The following MAPK13 variants were observed in gnomAD, a reference collection of about 807,000 sequenced individuals.
MAPK13 encodes the protein mitogen-activated protein kinase 13.
Under a neutral mutation model 53.5 loss-of-function variants are expected in MAPK13, and 39 were observed. The ratio of observed to expected loss-of-function variants is 0.73; its 90% CI spans 0.56 to 0.95. The LOEUF (loss-of-function observed/expected upper bound fraction) is 0.95, where lower values mean the gene tolerates loss of function less well. MAPK13 is among the 40% of genes least tolerant of loss of function. The pLI, the probability that MAPK13 is intolerant of heterozygous loss-of-function variation, is 0.00. For synonymous variants in MAPK13, 179 were observed against 190.9 expected (o/e 0.94, Z 0.51); for missense variants, 460 against 471.8 (o/e 0.98, Z 0.23).
rs925926954 is a variant in MAPK13, at chr6:36,131,337, C to T, written c.186C>T (p.Ser62=). The change falls in exon 2 of 12, where the codon TCC becomes TCT. Residue 62 remains serine (S), a synonymous_variant. Transcript: ENST00000211287. ...AGAAGCTGAGCCGACCCTTTCAGTC[C>T]GAGATCTTCGCCAAGCGCGCCTACC... ...AIKKLSRPFQ[S]EIFAKRAYRE... is the part of the protein sequence containing the mutation. 1 of 1,613,906 alleles carries T rather than the reference C, an allele frequency of 6.2e-7. No homozygotes were observed. The highest frequency in any genetic ancestry group is 1.3e-5 in the African/African-American group (1 of 75,032).
rs199612050 is a variant in MAPK13 at position 36,136,677 on chromosome 6, C to T, written c.517C>T (p.Arg173Ter). The T allele has an allele frequency of 5.0e-5, 81 of 1,613,906 alleles. No homozygotes were observed. In the Admixed American group the frequency reaches 1.0e-3, roughly 20 times the overall value. ...ELKILDFGLARHADAEMTGYV... is the reference protein window; with the variant it reads ...ELKILDFGLA ...ATAGATTCTGGATTTTGGGCTGGCG[C>T]GACATGCAGACGCCGAGATGACTGG... The change falls in exon 7 of 12, where the codon CGA becomes TGA. Residue 173 changes from arginine to a stop codon, truncating the protein, a stop_gained. Transcript: ENST00000211287. LOFTEE classifies it high-confidence loss of function.
At position 36,136,642 on chromosome 6, in the gene MAPK13, C is replaced by A; in HGVS notation, c.496-14C>A. ...CTCAGCAAGTTCCTTTTCTATTTAT[C>A]CCCTGTGCCATAGATTCTGGATTTT... On this transcript the variant is annotated splice_polypyrimidine_tract_variant and intron_variant, in intron 6 of 11. Coordinates refer to ENST00000211287, the MANE Select transcript of MAPK13 (RefSeq NM_002754.5). 1 of 1,612,806 alleles carries A rather than the reference C, an allele frequency of 6.2e-7. No individual in the cohort carries two copies. Among genetic ancestry groups the A allele is most frequent in the Non-Finnish European group, 8.5e-7 (1 of 1,179,268 alleles).
chr6:36,136,341 T>A (rs1484294837), intron 5 of MAPK13, 143 bp from the exon 6 acceptor site: 3 of 726,740 alleles, frequency 4.1e-6, no homozygotes, highest in African/African-American at 3.6e-5. Context: ...GAACACCTAG[T>A]CCAACCCTCA....
chr6:36,133,170 A>G (rs1445142923), intron 3 of MAPK13, among the ~76,000 whole-genome samples: 1 of 152,220 alleles, frequency 6.6e-6, no homozygotes, highest in Non-Finnish European at 1.5e-5. Flanking sequence ...TCTGAATGAG[A>G]CTGGACTATT....
intron 3 of MAPK13, among the ~76,000 whole-genome samples, chr6:36,133,155 C>A (rs2127485951): frequency 6.6e-6 from 1 of 152,346 alleles, no homozygotes; most frequent in South Asian, 2.1e-4. Context: ...TTTGCCTGTG[C>A]AGTGTCTGAA....
At position 36,132,653 on chromosome 6, in the gene MAPK13, C is replaced by T; in HGVS notation, c.282C>T (p.Ala94=). 1.2e-6 allele frequency: 2 copies of T among 1,614,242 alleles called. No homozygotes were observed. The highest frequency in any genetic ancestry group is 1.7e-6 in the Non-Finnish European group (2 of 1,180,034). ...VIGLLDVFTP[A]SSLRNFYDFY... Reference sequence around the variant, plus strand: ...GGCTCCTGGATGTCTTCACCCCAGCCTCCTCCCTGCGCAACTTCTATGACT... The same window carrying T: ...GGCTCCTGGATGTCTTCACCCCAGCTTCCTCCCTGCGCAACTTCTATGACT... The change falls in exon 3 of 12, where the codon GCC becomes GCT. Residue 94 remains alanine (A), a synonymous_variant. Coordinates refer to ENST00000211287, the MANE Select transcript of MAPK13 (RefSeq NM_002754.5).
At chr6:36,131,441 T>A in intron 2 of MAPK13, 41 bp downstream of exon 2, 1 of 1,582,262 alleles carries the variant, frequency 6.3e-7, no homozygotes, top group Non-Finnish European at 8.6e-7. Context: ...GGGGCTGCCC[T>A]GGGGAGTCAG....
intron 8 of MAPK13, among the ~76,000 whole-genome samples, chr6:36,138,038 C>T (rs908188471): frequency 4.0e-5 from 6 of 151,416 alleles, no homozygotes; most frequent in Non-Finnish European, 5.9e-5. Context: ...CATTTTGGCA[C>T]GGCACACATT....
intron 4 of MAPK13, 26 bp downstream of exon 4, chr6:36,135,887 G>C: frequency 5.6e-6 from 9 of 1,600,312 alleles, no homozygotes; most frequent in Non-Finnish European, 6.9e-6. Context: ...GAGGCTGGCA[G>C]AGGGGACGCC....
chr6:36,137,839 A>T (rs896079711), intron 8 of MAPK13, among the ~76,000 whole-genome samples: 1 of 147,026 alleles, frequency 6.8e-6, no homozygotes, highest in African/African-American at 2.5e-5. Context: ...CACGCCTGTA[A>T]TCCCAGCTAC....
chr6:36,130,862 A>G lies in MAPK13; in HGVS notation c.119+161A>G. On this transcript the variant is annotated intron_variant, in intron 1 of 11. Coordinates refer to ENST00000211287, the MANE Select transcript of MAPK13 (RefSeq NM_002754.5). The surrounding 1 kb of genome is among the most constrained non-coding windows in gnomAD (Gnocchi z 4.5). ...ACCCAGCGGCCATCTCCCTTTTCTC[A>G]CCGAGTGGCTGAGTGAGGTCTCTGG... 2.0e-6 allele frequency: 1 copy of G among 511,850 alleles called. No individual in the cohort carries two copies. Among genetic ancestry groups the G allele is most frequent in the Non-Finnish European group, 3.5e-6 (1 of 289,608 alleles). The allele number at this position is 511,850 out of a possible 1,614,324, so 31.7% of individuals were successfully genotyped here. A position where few individuals can be genotyped will look rare whatever the true frequency, so the allele number is the denominator to read the frequency against.
At chr6:36,134,028 G>C (rs1018344340) in intron 3 of MAPK13, among the ~76,000 whole-genome samples, 1 of 152,208 alleles carries the variant, frequency 6.6e-6, no homozygotes, top group South Asian at 2.1e-4. Flanking sequence ...CTCAGGACTG[G>C]GAGGTAAGGC....
At chr6:36,131,752 A>C (rs896146005) in intron 2 of MAPK13, among the ~76,000 whole-genome samples, 1 of 152,244 alleles carries the variant, frequency 6.6e-6, no homozygotes, top group Non-Finnish European at 1.5e-5. Context: ...CCTGATAACA[A>C]TAGCAATATA....
At position 36,143,182 on chromosome 6, in the gene MAPK13, T is replaced by C. The variant is rs960210660; in HGVS notation, c.*3809T>C. 1.3e-5 allele frequency: 2 copies of C among 152,278 alleles called. No individual in the cohort carries two copies. The highest frequency in any genetic ancestry group is 2.9e-5 in the Non-Finnish European group (2 of 68,044). The allele number at this position is 152,278 out of a possible 1,614,324, so 9.4% of individuals were successfully genotyped here. A position where few individuals can be genotyped will look rare whatever the true frequency, so the allele number is the denominator to read the frequency against. On this transcript the variant is annotated 3_prime_UTR_variant, in exon 12 of 12. Transcript: ENST00000211287. ...CTCTTTTGAGGAACAAAGAGTATCT[T>C]TGCTGGGGCCTGAGTCATCCATGAA...
At chr6:36,136,247 A>C (rs1012261197) in intron 5 of MAPK13, among the ~76,000 whole-genome samples, 199 bp downstream of exon 5, 6 of 152,182 alleles carry the variant, frequency 3.9e-5, no homozygotes, top group Non-Finnish European at 5.9e-5. Context: ...TTCATGGGGA[A>C]TTGCTGCAGA....
rs1216682670 is a variant in MAPK13, at chr6:36,140,218, A to G, written c.*845A>G. ...TGCAGAGAGAGCTGCAGCTGGTGCGATTGCATTCAGGTTATTTTGGGTGAG... is the reference window on the plus strand; with the variant it reads ...TGCAGAGAGAGCTGCAGCTGGTGCGGTTGCATTCAGGTTATTTTGGGTGAG... On this transcript the variant is annotated 3_prime_UTR_variant, in exon 12 of 12. Transcript: ENST00000211287. The G allele has an allele frequency of 1.3e-5, 2 of 152,266 alleles. No individual in the cohort carries two copies. Among genetic ancestry groups the G allele is most frequent in the Non-Finnish European group, 2.9e-5 (2 of 68,050 alleles). The allele number at this position is 152,266 out of a possible 1,614,324, so 9.4% of individuals were successfully genotyped here.
At chr6:36,133,869 GGA>G (rs1561788488) in intron 3 of MAPK13, among the ~76,000 whole-genome samples, 1 of 152,208 alleles carries the variant, frequency 6.6e-6, no homozygotes, top group Non-Finnish European at 1.5e-5. Flanking sequence ...AGGAGGCAGA[GGA>G]GAGTCAGCAA....
Position 36,139,984 on chromosome 6 carries a change from C to G in MAPK13, c.*611C>G, listed in dbSNP as rs1233550655. 5 of 152,566 alleles carry G rather than the reference C, an allele frequency of 3.3e-5. No individual in the cohort carries two copies. The highest frequency in any genetic ancestry group is 6.8e-3 in the Middle Eastern group (2 of 294). 9.5% of individuals were successfully genotyped at this position (152,566 alleles called of 1,614,324 possible). On this transcript the variant is annotated 3_prime_UTR_variant, in exon 12 of 12. Coordinates refer to ENST00000211287, the MANE Select transcript of MAPK13 (RefSeq NM_002754.5). ...AGGGCCCACCCTAATCCTGTGTGATCTTATCTTGATCCTTATTAATTAAAC... is the reference window on the plus strand; with the variant it reads ...AGGGCCCACCCTAATCCTGTGTGATGTTATCTTGATCCTTATTAATTAAAC...
chr6:36,133,559 C>T lies in MAPK13; in HGVS notation c.308+880C>T, dbSNP rs1283925069. Among the ~76,000 whole-genome samples, 5 of 152,288 alleles carry T rather than the reference C, an allele frequency of 3.3e-5. No individual in the cohort carries two copies. In the South Asian group the frequency reaches 1.0e-3, roughly 32 times the overall value. ...AATGGGCAGGTTCCTGCTTGAAATA[C>T]ACGGTAGAGGAAGAACAGATCTTGG... On this transcript the variant is annotated intron_variant, in intron 3 of 11. Transcript: ENST00000211287.
Sources: allele counts gnomAD v4.1 joint callset (sites outside exome capture counted in the v4.1 genomes callset), GRCh38; gene constraint gnomAD v4.1.1; non-coding constraint Gnocchi (gnomAD v3.1); transcripts MANE v1.5; gene names NCBI Gene and HGNC (gene_info 2026-07-23, HGNC 2026-07-21).